NKAIN3: variants seen among roughly 807,000 people sequenced by gnomAD.
NKAIN3 encodes the protein sodium/potassium transporting ATPase interacting 3.
In NKAIN3, 25 loss-of-function variants were observed where a neutral mutation model predicts 30.2. The observed-to-expected ratio is 0.83, with a 90% confidence interval of 0.60 to 1.16. The LOEUF (loss-of-function observed/expected upper bound fraction) is 1.16, where lower values mean the gene tolerates loss of function less well. NKAIN3 is among the 50% of genes most tolerant of loss of function. The pLI is 0.00. For missense variants in NKAIN3, 225 were observed against 254.1 expected, an observed-to-expected ratio of 0.89 and a Z score of 0.78; for synonymous variants, 91 against 89.6, an observed-to-expected ratio of 1.02 and a Z score of -0.09.
At chr8:62,988,394 T>C (rs181029277), downstream of NKAIN3, among the ~76,000 whole-genome samples, 2 of 152,238 alleles carry the variant, frequency 1.3e-5, no homozygotes, top group African/African-American at 4.8e-5. Flanking sequence ...CCATGAGGGC[T>C]CCGCACCTGC....
At chr8:62,468,613 C>T (rs533243752) in intron 1 of NKAIN3, among the ~76,000 whole-genome samples, 1 of 152,322 alleles carries the variant, frequency 6.6e-6, no homozygotes, top group South Asian at 2.1e-4. Flanking sequence ...TACAATTTCT[C>T]ACTGTTCAGT....
chr8:62,603,438 A>C (rs1346731390), intron 3 of NKAIN3, among the ~76,000 whole-genome samples: 1 of 152,200 alleles, frequency 6.6e-6, no homozygotes, highest in Admixed American at 6.5e-5. Context: ...GAGGAGCCTC[A>C]GATAACAATT....
chr8:62,842,331 G>A (rs900590379), intron 4 of NKAIN3, among the ~76,000 whole-genome samples: 13 of 151,928 alleles, frequency 8.6e-5, no homozygotes, highest in Non-Finnish European at 1.6e-4. Flanking sequence ...ATATACTGAA[G>A]ACTATAAAAC....
chr8:62,283,613 G>A (rs1259710701), intron 1 of NKAIN3, among the ~76,000 whole-genome samples: 1 of 152,058 alleles, frequency 6.6e-6, no homozygotes, highest in African/African-American at 2.4e-5. Flanking sequence ...GATTATTGAA[G>A]TAGGATTTTA....
At chr8:62,698,460 C>A (rs1423091977) in intron 3 of NKAIN3, among the ~76,000 whole-genome samples, 2 of 152,092 alleles carry the variant, frequency 1.3e-5, no homozygotes, top group African/African-American at 4.8e-5. Context: ...AGCTGTGGTC[C>A]CTGCAACACA....
chr8:62,660,141 A>G (rs937574388), intron 3 of NKAIN3, among the ~76,000 whole-genome samples: 2 of 152,192 alleles, frequency 1.3e-5, no homozygotes, highest in African/African-American at 4.8e-5. Flanking sequence ...GGGAGGCAAC[A>G]TGACTTCCTG....
intron 1 of NKAIN3, among the ~76,000 whole-genome samples, chr8:62,425,316 C>T (rs1206240710): frequency 6.6e-6 from 1 of 151,764 alleles, no homozygotes; most frequent in African/African-American, 2.4e-5. Flanking sequence ...AAAAGCCTCC[C>T]AGGGAGGGAA....
chr8:62,991,547 A>G (rs1026933756), intron 5 of NKAIN3, among the ~76,000 whole-genome samples: 3 of 152,238 alleles, frequency 2.0e-5, no homozygotes, highest in Non-Finnish European at 2.9e-5. Flanking sequence ...ATCTGACATT[A>G]GTCAATATGT....
In NKAIN3 at chr8:62,958,800, G is replaced by A. The variant is rs1193422650; in HGVS notation, c.603+4828G>A. On this transcript the variant is annotated intron_variant, in intron 6 of 6. Coordinates refer to ENST00000623646, the MANE Select transcript of NKAIN3 (RefSeq NM_001304533.3). Reference sequence around the variant, plus strand: ...GAGTACCGGGAAGATTAAGCTCCATGTAGCAGTAATTCTTCACATAAAAAT... The same window carrying A: ...GAGTACCGGGAAGATTAAGCTCCATATAGCAGTAATTCTTCACATAAAAAT... 2.0e-5 allele frequency among the ~76,000 whole-genome samples: 3 copies of A among 152,318 alleles called. No individual in the cohort carries two copies. In the East Asian group the frequency reaches 5.8e-4, roughly 29 times the overall value.
chr8:62,863,636 G>T, intron 4 of NKAIN3: 1 of 1,230,858 alleles, frequency 8.1e-7, no homozygotes, highest in Non-Finnish European at 1.2e-6. Flanking sequence ...GTCTTTGTTT[G>T]GGTCACTGGG....
intron 1 of NKAIN3, among the ~76,000 whole-genome samples, chr8:62,458,130 G>T (rs2129599277): frequency 6.6e-6 from 1 of 152,210 alleles, no homozygotes; most frequent in Non-Finnish European, 1.5e-5. Context: ...ACCTTTCTAA[G>T]TATCTGCATG....
At chr8:62,599,602 T>G (rs1363974562) in intron 3 of NKAIN3, among the ~76,000 whole-genome samples, 1 of 151,996 alleles carries the variant, frequency 6.6e-6, no homozygotes, top group Non-Finnish European at 1.5e-5. Flanking sequence ...CTGAAAACCT[T>G]TGGGATGTAT....
chr8:62,425,799 T>G lies in NKAIN3; in HGVS notation c.55-153740T>G, dbSNP rs575209689. The stretch of plus-strand genomic sequence containing the variant: ...ACAAGCGTTGACATTCAATGTGACC[T>G]TTAGTGTCTTGCATGCTTTGTTTAG... On this transcript the variant is annotated intron_variant, in intron 1 of 6. Transcript: ENST00000623646. Among the ~76,000 whole-genome samples, 22 of 152,094 alleles carry G rather than the reference T, an allele frequency of 1.4e-4. No individual in the cohort carries two copies. In the South Asian group the frequency reaches 4.6e-3, roughly 31 times the overall value.
chr8:62,267,926 T>C (rs1266709765), intron 1 of NKAIN3, among the ~76,000 whole-genome samples: 1 of 152,234 alleles, frequency 6.6e-6, no homozygotes. Context: ...TCATTTATTC[T>C]AGGAATTTGT....
chr8:62,505,193 T>C (rs1308362461), intron 1 of NKAIN3, among the ~76,000 whole-genome samples: 1 of 152,234 alleles, frequency 6.6e-6, no homozygotes, highest in Non-Finnish European at 1.5e-5. Flanking sequence ...AAAACTTTGC[T>C]GTGAAACATT....
At chr8:62,597,303 T>C (rs541532223) in intron 3 of NKAIN3, among the ~76,000 whole-genome samples, 2 of 152,246 alleles carry the variant, frequency 1.3e-5, no homozygotes, top group South Asian at 4.1e-4. Context: ...CATGTGTCCA[T>C]CTTACTAAAT....
intron 1 of NKAIN3, among the ~76,000 whole-genome samples, chr8:62,264,148 G>T (rs1258357071): frequency 6.6e-6 from 1 of 152,198 alleles, no homozygotes; most frequent in Non-Finnish European, 1.5e-5. Context: ...AAATAGTTCA[G>T]AAGGAAAAAT....
At chr8:62,788,602 C>A (rs1490497347) in intron 4 of NKAIN3, among the ~76,000 whole-genome samples, 1 of 152,238 alleles carries the variant, frequency 6.6e-6, no homozygotes, top group Admixed American at 6.5e-5. Flanking sequence ...GACATGAAGT[C>A]CTTGCCCATG....
chr8:62,633,783 C>T (rs190296390), intron 3 of NKAIN3, among the ~76,000 whole-genome samples: 107 of 152,206 alleles, frequency 7.0e-4, no homozygotes, highest in African/African-American at 2.5e-3. Context: ...GTTAGAAACC[C>T]CTGAGGCCTT....
Sources: gnomAD v4.1 joint callset for allele counts (sites outside exome capture counted in the v4.1 genomes callset) on GRCh38, gnomAD v4.1.1 for gene constraint, MANE v1.5 for transcripts, NCBI Gene and HGNC (gene_info 2026-07-23, HGNC 2026-07-21) for gene names.